Variants in RHOBTB2 observed in about 807,000 individuals in gnomAD.
RHOBTB2 encodes the protein Rho related BTB domain containing 2.
Under a neutral mutation model 66.5 loss-of-function variants are expected in RHOBTB2, and 39 were observed. That is an observed-to-expected ratio of 0.59 (90% CI 0.45 to 0.77). RHOBTB2 has a LOEUF of 0.77. Ranked by LOEUF, RHOBTB2 falls within the 30% of genes least tolerant of loss-of-function variation. The pLI is 0.00. For missense variants in RHOBTB2, 755 were observed against 999.1 expected (o/e 0.76, Z 3.29); for synonymous variants, 390 against 395.0 (o/e 0.99, Z 0.15).
In RHOBTB2 at chr8:23,004,109, G is replaced by C. The variant is rs368788759; in HGVS notation, c.-10-316G>C. The C allele has an allele frequency of 2.4e-4, 97 of 402,466 alleles. No individual in the cohort carries two copies. Among genetic ancestry groups the C allele is most frequent in the African/African-American group, 1.8e-3 (90 of 48,736 alleles). 24.9% of individuals were successfully genotyped at this position (402,466 alleles called of 1,614,324 possible). The stretch of plus-strand genomic sequence containing the variant: ...GCTGCCCTCTCTGGAGAGGGGACAG[G>C]GCAGGGCCTCGGCAAGCTCCACTGG... On this transcript the variant is annotated intron_variant, in intron 1 of 9. Coordinates refer to ENST00000251822, the MANE Select transcript of RHOBTB2 (RefSeq NM_015178.3). This position sits in a 1 kb window ranked among gnomAD's most constrained non-coding sequence, Gnocchi z 6.4.
At chr8:22,967,558 G>A in the RHOBTB2 span, among the ~76,000 whole-genome samples, 2 of 137,482 alleles carry the variant, frequency 1.5e-5, no homozygotes, top group South Asian at 4.6e-4. Flanking sequence ...AGCCGAGATC[G>A]TGCCACTGCA....
Position 23,016,974 on chromosome 8 carries a change from C to T in RHOBTB2, c.1967-278C>T, listed in dbSNP as rs575844414. Among the ~76,000 whole-genome samples, 11 of 152,370 alleles carry T rather than the reference C, an allele frequency of 7.2e-5. No individual in the cohort carries two copies. The East Asian group carries it at 1.7e-3, about 24-fold the overall frequency. ...CGCTTACCCCTTCTCCCTTATCCTT[C>T]GCCTCTGTTTCATTCCCAACGCACA... On this transcript the variant is annotated intron_variant, in intron 9 of 9. Transcript: ENST00000251822.
At chr8:22,993,384 C>CCA (rs1325512088) in intron 2 of RHOBTB2, among the ~76,000 whole-genome samples, 2 of 152,120 alleles carry the variant, frequency 1.3e-5, no homozygotes, top group African/African-American at 2.4e-5. Context: ...TGTCTGCCCT[C>CCA]CACACACGGC....
intron 1 of RHOBTB2, 62 bp downstream of exon 1, chr8:23,000,167 T>TCCGCCCTCCCTGCCCTGCCGCG (rs1563288263): frequency 3.1e-6 from 3 of 974,254 alleles, no homozygotes; most frequent in Non-Finnish European, 2.4e-6. Flanking sequence ...GACGCGCCGC[T>TCCGCCCTCCCTGCCCTGCCGCG]CCGCCCTCCC....
chr8:22,952,996 T>C, the RHOBTB2 span, among the ~76,000 whole-genome samples: 3 of 152,166 alleles, frequency 2.0e-5, no homozygotes, highest in African/African-American at 7.2e-5. Context: ...GTGCTTGGTA[T>C]GGCCTTTGAC....
rs1046970541 is a variant in RHOBTB2, at chr8:23,004,719, G to A, written c.192+93G>A. ...ATAGCTTGGTGTCTCCAGAGCTCAC[G>A]GGAGCCCTCTAGGGGTGGGACAGGA... On this transcript the variant is annotated intron_variant, in intron 2 of 9. Transcript: ENST00000251822. The surrounding 1 kb of genome is among the most constrained non-coding windows in gnomAD (Gnocchi z 6.4). 11 of 1,268,106 alleles carry A rather than the reference G, an allele frequency of 8.7e-6. No individual in the cohort carries two copies. Among genetic ancestry groups the A allele is most frequent in the African/African-American group, 2.9e-5 (2 of 67,832 alleles). 78.6% of individuals were successfully genotyped at this position (1,268,106 alleles called of 1,614,324 possible). A position where few individuals can be genotyped will look rare whatever the true frequency, so the allele number is the denominator to read the frequency against.
Position 23,017,833 on chromosome 8 carries a change from GCC to G in RHOBTB2, c.*367_*368del, listed in dbSNP as rs1038938802. On this transcript the variant is annotated 3_prime_UTR_variant, in exon 10 of 10. Transcript: ENST00000251822. The surrounding 1 kb of genome is among the most constrained non-coding windows in gnomAD (Gnocchi z 5.3). Reference sequence around the variant, plus strand: ...GGTTGCTGCTCTGGCCAGGGAGGCAGCCCCACTCCCAGCAAGCAGAAGTGATC... The same window carrying G: ...GGTTGCTGCTCTGGCCAGGGAGGCAGCCACTCCCAGCAAGCAGAAGTGATC... 8.3e-6 allele frequency: 2 copies of G among 239,808 alleles called. No individual in the cohort carries two copies. The highest frequency in any genetic ancestry group is 4.4e-5 in the African/African-American group (2 of 45,532). 14.9% of individuals were successfully genotyped at this position (239,808 alleles called of 1,614,324 possible).
At chr8:22,956,376 C>T in the RHOBTB2 span, among the ~76,000 whole-genome samples, 1 of 152,132 alleles carries the variant, frequency 6.6e-6, no homozygotes, top group African/African-American at 2.4e-5. Flanking sequence ...GGACCAGTTT[C>T]TTATGAGAGG....
Position 23,006,507 on chromosome 8 carries a change from G to A in RHOBTB2, c.483-221G>A. The A allele has an allele frequency of 1.7e-6, 1 of 592,862 alleles. No individual in the cohort carries two copies. The highest frequency in any genetic ancestry group is 3.0e-6 in the Non-Finnish European group (1 of 334,474). The allele number at this position is 592,862 out of a possible 1,614,324, so 36.7% of individuals were successfully genotyped here. ...CAGTGCTGTCACGGCTTTGTACTGG[G>A]GAGGTCACTGGGGCCTGGCATAGTA... On this transcript the variant is annotated intron_variant, in intron 4 of 9. Transcript: ENST00000251822. This position sits in a 1 kb window ranked among gnomAD's most constrained non-coding sequence, Gnocchi z 6.1.
At chr8:23,012,153 C>T (rs1811167550) in intron 7 of RHOBTB2, among the ~76,000 whole-genome samples, 1 of 152,200 alleles carries the variant, frequency 6.6e-6, no homozygotes, top group Non-Finnish European at 1.5e-5. Flanking sequence ...CATAAAACTT[C>T]AAATTCCTAG....
At chr8:22,994,513 C>T (rs1268309415) in intron 2 of RHOBTB2, 1 of 1,182,702 alleles carries the variant, frequency 8.5e-7, no homozygotes. Context: ...CCTTTCTCCC[C>T]TCTGTCTCCC....
intron 7 of RHOBTB2, among the ~76,000 whole-genome samples, chr8:23,012,923 C>T (rs1172886397): frequency 6.6e-6 from 1 of 152,172 alleles, no homozygotes; most frequent in Non-Finnish European, 1.5e-5. Context: ...CCTGCCTGAG[C>T]CTCCTGAGTA....
In RHOBTB2 at chr8:22,999,652, A is replaced by C; in HGVS notation, c.-464A>C. 4.0e-6 allele frequency: 5 copies of C among 1,243,010 alleles called. No homozygotes were observed. The highest frequency in any genetic ancestry group is 5.1e-6 in the Non-Finnish European group (5 of 971,478). 77.0% of individuals were successfully genotyped at this position (1,243,010 alleles called of 1,614,324 possible). On this transcript the variant is annotated 5_prime_UTR_variant, in exon 1 of 10. An upstream start codon of the reference 5' UTR is lost. Coordinates refer to ENST00000251822, the MANE Select transcript of RHOBTB2 (RefSeq NM_015178.3). Reference sequence around the variant, plus strand: ...TTTTTTCCCTATCCTTTTTTTGTGAATGAAAAAAGGAGGTCGCGAGCGGTA... The same window carrying C: ...TTTTTTCCCTATCCTTTTTTTGTGACTGAAAAAAGGAGGTCGCGAGCGGTA...
chr8:22,961,654 A>G, the RHOBTB2 span, among the ~76,000 whole-genome samples: 1 of 152,264 alleles, frequency 6.6e-6, no homozygotes, highest in Non-Finnish European at 1.5e-5. Flanking sequence ...TGGGGAGGGG[A>G]AAAATGAACA....
chr8:22,975,734 A>G, the RHOBTB2 span, among the ~76,000 whole-genome samples: 1 of 152,128 alleles, frequency 6.6e-6, no homozygotes, highest in African/African-American at 2.4e-5. Flanking sequence ...AAGGTGGGAT[A>G]GGCAAGAAAG....
At chr8:22,974,612 A>C in the RHOBTB2 span, among the ~76,000 whole-genome samples, 1 of 152,222 alleles carries the variant, frequency 6.6e-6, no homozygotes. Flanking sequence ...CGGTTCCCTG[A>C]AGGCCTAGAA....
At chr8:22,960,118 G>A in the RHOBTB2 span, among the ~76,000 whole-genome samples, 199 of 151,290 alleles carry the variant, frequency 1.3e-3, 2 homozygotes, top group East Asian at 0.035. Flanking sequence ...AGGAAGTGGA[G>A]GTTGCAGTGA....
Position 22,999,762 on chromosome 8 carries a change from C to G in RHOBTB2, c.-354C>G. The G allele has an allele frequency of 1.0e-6, 1 of 993,910 alleles. No individual in the cohort carries two copies. The highest frequency in any genetic ancestry group is 4.4e-5 in the South Asian group (1 of 22,700). 61.6% of individuals were successfully genotyped at this position (993,910 alleles called of 1,614,324 possible). On this transcript the variant is annotated 5_prime_UTR_variant, in exon 1 of 10. Transcript: ENST00000251822. ...TAGCGGCGGCGGCCTCGCCCCTCTC[C>G]CGGCGCCCCTGCGCGCCGCCCGCTG...
At position 22,999,592 on chromosome 8, in the gene RHOBTB2, C is replaced by G. The variant is rs1305073576; in HGVS notation, c.-524C>G. 8.1e-7 allele frequency: 1 copy of G among 1,227,994 alleles called. No individual in the cohort carries two copies. The highest frequency in any genetic ancestry group is 1.0e-6 in the Non-Finnish European group (1 of 966,032). 76.1% of individuals were successfully genotyped at this position (1,227,994 alleles called of 1,614,324 possible). ...GTCTTGGGTGCGATTTTTTTCTCCT[C>G]CTTTTTTTACCCTCCCGTTTTTTTC... is the stretch of plus-strand genomic sequence containing the variant. On this transcript the variant is annotated 5_prime_UTR_variant, in exon 1 of 10. Coordinates refer to ENST00000251822, the MANE Select transcript of RHOBTB2 (RefSeq NM_015178.3).
Sources: gnomAD v4.1 joint callset for allele counts (sites outside exome capture counted in the v4.1 genomes callset) on GRCh38, gnomAD v4.1.1 for gene constraint, Gnocchi (gnomAD v3.1) non-coding constraint, MANE v1.5 for transcripts, NCBI Gene and HGNC (gene_info 2026-07-23, HGNC 2026-07-21) for gene names.